The following GRIK3 variants were observed in gnomAD, a reference collection of about 807,000 sequenced individuals.
The protein encoded by GRIK3 is glutamate receptor ionotropic, kainate 3.
A neutral mutation model predicts 102.5 loss-of-function variants in GRIK3; 29 were observed. The ratio of observed to expected loss-of-function variants is 0.28; its 90% confidence interval spans 0.21 to 0.39. GRIK3 has a LOEUF of 0.39. Among genes scored for constraint, GRIK3 ranks in the 10% least tolerant of loss-of-function variants. The pLI is 1.00. For missense variants in GRIK3, 908 were observed against 1,252.4 expected (o/e 0.73, Z 4.15); for synonymous variants, 511 against 504.9 (o/e 1.01, Z -0.16).
rs1166155468 is a variant in GRIK3, at chr1:36,825,739, C to T, written c.1618G>A (p.Val540Met). The stretch of plus-strand genomic sequence containing the variant: ...TTGGGCTTTCGATACAGGATGCTCA[C>T]ACCAAGTGTCATGAAGGGCTTGGAG... ...DFSKPFMTLG[V>M]SILYRKPNGT... Residue 540 changes from valine to methionine, a missense_variant, in exon 11 of 16, where the codon GTG becomes ATG. Around this residue, in one of 3 missense-constraint regions of GRIK3, gnomAD observed 585 missense variants for 824.9 expected, o/e 0.71. Coordinates refer to ENST00000373091, the MANE Select transcript of GRIK3 (RefSeq NM_000831.4). 1.9e-6 allele frequency: 3 copies of T among 1,614,078 alleles called. No homozygotes were observed. Among genetic ancestry groups the T allele is most frequent in the Admixed American group, 3.3e-5 (2 of 60,012 alleles).
intron 1 of GRIK3, among the ~76,000 whole-genome samples, chr1:36,898,236 A>G (rs1224899017): frequency 6.6e-6 from 1 of 152,200 alleles, no homozygotes; most frequent in African/African-American, 2.4e-5. Flanking sequence ...CAGGGTGACT[A>G]TAATCAATAA....
At chr1:36,935,058 G>A (rs950538481) in intron 1 of GRIK3, among the ~76,000 whole-genome samples, 2 of 152,172 alleles carry the variant, frequency 1.3e-5, no homozygotes, top group Non-Finnish European at 2.9e-5. Context: ...TGTAAAAGGA[G>A]TAGGAGAGTA....
Position 36,795,688 on chromosome 1 carries a change from A to C in GRIK3, c.*6163T>G, listed in dbSNP as rs1015828513. The C allele has an allele frequency of 5.2e-5, 8 of 152,392 alleles. No individual in the cohort carries two copies. The highest frequency in any genetic ancestry group is 1.4e-4 in the African/African-American group (6 of 41,590). 9.4% of individuals were successfully genotyped at this position (152,392 alleles called of 1,614,324 possible). A position where few individuals can be genotyped will look rare whatever the true frequency, so the allele number is the denominator to read the frequency against. ...AGAATGATTGGCAAGTAACACAGTT[A>C]CTATGAAACCCAAATTGTTACAAAA... On this transcript the variant is annotated 3_prime_UTR_variant, in exon 16 of 16. Coordinates refer to ENST00000373091, the MANE Select transcript of GRIK3 (RefSeq NM_000831.4).
At chr1:36,818,328 C>A (rs1048607800) in intron 12 of GRIK3, among the ~76,000 whole-genome samples, 1 of 152,158 alleles carries the variant, frequency 6.6e-6, no homozygotes, top group African/African-American at 2.4e-5. Flanking sequence ...GACAAAAAAA[C>A]AAGGTGAGGC....
At position 36,859,228 on chromosome 1, in the gene GRIK3, G is replaced by A. The variant is rs1263716867; in HGVS notation, c.984C>T (p.Asp328=). ...AGCACACGGACACGATATGGACGGC[G>A]TCGTACAGTAAGGCTGCATCAGTCT... ...VMMTDAALLY[D]AVHIVSVCYQ... is the part of the protein sequence containing the mutation. The change falls in exon 7 of 16, where the codon GAC becomes GAT. Residue 328 remains aspartate, a synonymous_variant. Coordinates refer to ENST00000373091, the MANE Select transcript of GRIK3 (RefSeq NM_000831.4). 5 of 1,612,606 alleles carry A rather than the reference G, an allele frequency of 3.1e-6. No homozygotes were observed. Among genetic ancestry groups the A allele is most frequent in the South Asian group, 1.1e-5 (1 of 90,968 alleles).
chr1:36,963,812 A>G (rs1642052277), intron 1 of GRIK3, among the ~76,000 whole-genome samples: 1 of 152,174 alleles, frequency 6.6e-6, no homozygotes, highest in African/African-American at 2.4e-5. Flanking sequence ...GTGACCTCAG[A>G]GGCACCTCTG....
At chr1:36,861,200 C>T (rs1470090727) in intron 5 of GRIK3, among the ~76,000 whole-genome samples, 1 of 152,214 alleles carries the variant, frequency 6.6e-6, no homozygotes, top group Non-Finnish European at 1.5e-5. Flanking sequence ...TGAGTTGAAT[C>T]CATCTCTGAC....
intron 10 of GRIK3, among the ~76,000 whole-genome samples, chr1:36,833,890 G>T (rs138060855): frequency 4.3e-4 from 66 of 152,202 alleles, no homozygotes; most frequent in African/African-American, 1.6e-3. Flanking sequence ...GACTGCTGCT[G>T]GTGAAGGCAA....
At chr1:36,981,693 G>C (rs1642249478) in intron 1 of GRIK3, among the ~76,000 whole-genome samples, 1 of 149,276 alleles carries the variant, frequency 6.7e-6, no homozygotes, top group African/African-American at 2.5e-5. Flanking sequence ...TCGGGGGAGG[G>C]GGCTGAGTCA....
chr1:36,860,728 TG>T (rs1309473757), intron 5 of GRIK3, among the ~76,000 whole-genome samples: 3 of 151,876 alleles, frequency 2.0e-5, no homozygotes, highest in African/African-American at 7.3e-5. Flanking sequence ...GGGAAGCAGG[TG>T]GAGGGAGAAG....
intron 1 of GRIK3, among the ~76,000 whole-genome samples, chr1:36,957,412 CT>C (rs1641925893): frequency 3.2e-5 from 2 of 61,924 alleles, no homozygotes; most frequent in Non-Finnish European, 4.1e-5. Context: ...CCCCGTGAGC[CT>C]GTGTGCCCCA....
At chr1:37,000,007 A>AT (rs1276891498) in intron 1 of GRIK3, among the ~76,000 whole-genome samples, 1 of 152,196 alleles carries the variant, frequency 6.6e-6, no homozygotes, top group Non-Finnish European at 1.5e-5. Flanking sequence ...AGAAAAAAAA[A>AT]GAGAACTTAA....
At chr1:36,865,646 C>A (rs1468046875) in intron 5 of GRIK3, among the ~76,000 whole-genome samples, 1 of 152,192 alleles carries the variant, frequency 6.6e-6, no homozygotes, top group African/African-American at 2.4e-5. Context: ...AAGGGCTATG[C>A]CTCCCTGGAA....
At chr1:36,878,392 T>C (rs887007395) in intron 3 of GRIK3, among the ~76,000 whole-genome samples, 2 of 152,270 alleles carry the variant, frequency 1.3e-5, no homozygotes, top group Non-Finnish European at 2.9e-5. Context: ...CAATAGATGC[T>C]TGTAGAAGCC....
chr1:36,856,591 G>A (rs945814853), intron 7 of GRIK3, among the ~76,000 whole-genome samples: 6 of 152,212 alleles, frequency 3.9e-5, no homozygotes, highest in African/African-American at 1.4e-4. Flanking sequence ...TCTGAGGTTC[G>A]GTTGTGGCCA....
chr1:36,964,006 G>T (rs1226354877), intron 1 of GRIK3, among the ~76,000 whole-genome samples: 3 of 152,244 alleles, frequency 2.0e-5, no homozygotes, highest in Non-Finnish European at 2.9e-5. Flanking sequence ...GCAAAGGCCT[G>T]GGAGGCCAGC....
chr1:36,835,083 G>A (rs1212579072), intron 10 of GRIK3, among the ~76,000 whole-genome samples: 2 of 152,152 alleles, frequency 1.3e-5, no homozygotes, highest in African/African-American at 2.4e-5. Context: ...GTTTGCCCCC[G>A]GAGGGTAAGG....
rs985806639 is a variant in GRIK3, at chr1:36,943,657, A to G, written c.116-52561T>C. 3.9e-5 allele frequency among the ~76,000 whole-genome samples: 6 copies of G among 152,242 alleles called. 1 individual carries two copies. The highest frequency in any genetic ancestry group is 1.4e-4 in the African/African-American group (6 of 41,462). ...TCCTGACAAAAGTAGACAATAAATG[A>G]GCAAATAAATAAAAGAAAATGAACG... On this transcript the variant is annotated intron_variant, in intron 1 of 15. Transcript: ENST00000373091.
At position 36,946,282 on chromosome 1, in the gene GRIK3, G is replaced by T. The variant is rs186224440; in HGVS notation, c.116-55186C>A. ...GGGACACCTGGGACACCGGCCCTTGGTCTATGTGAGCACAGGTCGTGCAGT... is the reference window on the plus strand; with the variant it reads ...GGGACACCTGGGACACCGGCCCTTGTTCTATGTGAGCACAGGTCGTGCAGT... On this transcript the variant is annotated intron_variant, in intron 1 of 15. Transcript: ENST00000373091. Among the ~76,000 whole-genome samples, 16 of 152,356 alleles carry T rather than the reference G, an allele frequency of 1.1e-4. No homozygotes were observed. The East Asian group carries it at 2.7e-3, about 26-fold the overall frequency.
Sources: allele counts gnomAD v4.1 joint callset (sites outside exome capture counted in the v4.1 genomes callset), GRCh38; gene constraint gnomAD v4.1.1; regional missense constraint gnomAD v4.1.1; transcripts MANE v1.5; gene names NCBI Gene and HGNC (gene_info 2026-07-23, HGNC 2026-07-21).